Variants in SCUBE1 observed in about 807,000 individuals in gnomAD.
SCUBE1 encodes the protein signal peptide, CUB and EGF-like domain-containing protein 1.
SCUBE1 carries 59 observed loss-of-function variants against 124.4 expected under a neutral mutation model. The observed-to-expected ratio is 0.47, with a 90% confidence interval of 0.38 to 0.59. SCUBE1 has a LOEUF of 0.59. Among genes scored for constraint, SCUBE1 ranks in the 20% least tolerant of loss-of-function variants. SCUBE1 has a pLI of 0.00. For missense variants in SCUBE1, 1,150 were observed against 1,371.2 expected (o/e 0.84, Z 2.55); for synonymous variants, 545 against 550.9 (o/e 0.99, Z 0.15).
chr22:43,231,935 C>A, intron 7 of SCUBE1, 60 bp from the exon 8 acceptor site: 2 of 1,592,318 alleles, frequency 1.3e-6, no homozygotes, highest in East Asian at 2.3e-5. Flanking sequence ...GTGTGACCAG[C>A]GGGGGGACGG....
At chr22:43,276,363 T>C (rs760975934) in intron 4 of SCUBE1, among the ~76,000 whole-genome samples, 5 of 152,102 alleles carry the variant, frequency 3.3e-5, no homozygotes, top group Non-Finnish European at 7.4e-5. Flanking sequence ...GGGACGTACA[T>C]GCTGAAAGAG....
intron 2 of SCUBE1, among the ~76,000 whole-genome samples, chr22:43,324,847 T>C (rs1240699017): frequency 2.0e-5 from 3 of 151,004 alleles, no homozygotes; most frequent in Non-Finnish European, 4.4e-5. Flanking sequence ...GATTAAATTG[T>C]GTCCCCGCAA....
chr22:43,323,988 ACAAT>A (rs1196698665), intron 2 of SCUBE1, among the ~76,000 whole-genome samples: 2 of 152,248 alleles, frequency 1.3e-5, no homozygotes, highest in Non-Finnish European at 2.9e-5. Context: ...AGAAAGAAAC[ACAAT>A]CAGTTATGGA....
chr22:43,317,750 G>A (rs1229920679), intron 3 of SCUBE1, among the ~76,000 whole-genome samples: 2 of 152,222 alleles, frequency 1.3e-5, no homozygotes, highest in African/African-American at 2.4e-5. Flanking sequence ...GTTGAATTAT[G>A]TCCCTTCAAA....
rs1406059551 is a variant in SCUBE1, at chr22:43,255,599, A to C, written c.727+2620T>G. On this transcript the variant is annotated intron_variant, in intron 6 of 21. Transcript: ENST00000360835. The surrounding 1 kb of genome is among the most constrained non-coding windows in gnomAD (Gnocchi z 4.7). ...TTCTCTAAAACACAAGTAAGGGACAAACACGGAGCCAGTGGTTAATGACAG... is the reference window on the plus strand; with the variant it reads ...TTCTCTAAAACACAAGTAAGGGACACACACGGAGCCAGTGGTTAATGACAG... 1.3e-6 allele frequency: 2 copies of C among 1,544,026 alleles called. No individual in the cohort carries two copies. The highest frequency in any genetic ancestry group is 1.8e-6 in the Non-Finnish European group (2 of 1,141,328).
At chr22:43,298,774 T>G (rs1263992136) in intron 3 of SCUBE1, among the ~76,000 whole-genome samples, 1 of 151,052 alleles carries the variant, frequency 6.6e-6, no homozygotes, top group Non-Finnish European at 1.5e-5. Context: ...GTGAGTCGAC[T>G]GGGCTTGGTG....
At chr22:43,332,950 G>A (rs1926950248) in intron 2 of SCUBE1, among the ~76,000 whole-genome samples, 1 of 152,186 alleles carries the variant, frequency 6.6e-6, no homozygotes, top group Non-Finnish European at 1.5e-5. Flanking sequence ...CTGTCATCCA[G>A]CAAATGCCTT....
chr22:43,340,425 T>C (rs1275994087), intron 1 of SCUBE1, among the ~76,000 whole-genome samples: 1 of 151,382 alleles, frequency 6.6e-6, no homozygotes, highest in African/African-American at 2.4e-5. Flanking sequence ...TTGTGCAAAA[T>C]AGATTCTGTG....
intron 4 of SCUBE1, among the ~76,000 whole-genome samples, chr22:43,273,585 T>TTTTTTTTTTTA (rs3047359): frequency 7.0e-6 from 1 of 143,456 alleles, no homozygotes; most frequent in Non-Finnish European, 1.5e-5. Context: ...TTTTTTTTTT[T>TTTTTTTTTTTA]GAGACAGAGT....
chr22:43,214,175 G>A lies in SCUBE1; in HGVS notation c.1968C>T (p.Asp656=). The A allele has an allele frequency of 1.2e-6, 2 of 1,613,068 alleles. No individual in the cohort carries two copies. Among genetic ancestry groups the A allele is most frequent in the Non-Finnish European group, 1.7e-6 (2 of 1,179,930 alleles). Residue 656 remains aspartate (D), a synonymous_variant, in exon 16 of 22, where the codon GAC becomes GAT. Transcript: ENST00000360835. The part of the protein sequence containing the change: ...CVSCMPGTYQ[D]MEGQLSCTPC... ...GTGTGCAACTGAGCTGGCCTTCCAT[G>A]TCCTGGTATGTTCCTGGCATACATG...
Position 43,210,907 on chromosome 22 carries a change from A to G in SCUBE1, c.2383+15T>C, listed in dbSNP as rs770863494. On this transcript the variant is annotated intron_variant, in intron 18 of 21. Transcript: ENST00000360835. This position sits in a 1 kb window ranked among gnomAD's most constrained non-coding sequence, Gnocchi z 4.5. ...CCGTGTTCCCAGCTTCCCACGGCAG[A>G]GCAGCAGCACCCACTTTTGCAGTGT... 1.2e-6 allele frequency: 2 copies of G among 1,613,500 alleles called. No homozygotes were observed. Among genetic ancestry groups the G allele is most frequent in the Non-Finnish European group, 1.7e-6 (2 of 1,179,810 alleles).
chr22:43,208,290 C>T (rs1298627123), intron 19 of SCUBE1, 66 bp from the exon 20 acceptor site: 34 of 1,512,700 alleles, frequency 2.2e-5, no homozygotes, highest in African/African-American at 6.9e-5. Flanking sequence ...AGGCCACTCG[C>T]CTCCCATCCA....
chr22:43,248,274 G>A (rs1256446598), intron 6 of SCUBE1, among the ~76,000 whole-genome samples: 2 of 152,202 alleles, frequency 1.3e-5, no homozygotes, highest in Admixed American at 1.3e-4. Context: ...GCGAGGGGTA[G>A]GGCCACCCAA....
intron 3 of SCUBE1, among the ~76,000 whole-genome samples, chr22:43,312,311 G>A (rs57969111): frequency 0.041 from 6,316 of 152,290 alleles, 409 homozygotes; most frequent in African/African-American, 0.14. Flanking sequence ...ACTGTGTGGC[G>A]TGGGTCACAG....
At chr22:43,227,773 C>T (rs183525314) in intron 9 of SCUBE1, among the ~76,000 whole-genome samples, 70 of 152,294 alleles carry the variant, frequency 4.6e-4, no homozygotes, top group Middle Eastern at 3.4e-3. Context: ...AGGTAGCACA[C>T]GATTAAAGTT....
Position 43,312,074 on chromosome 22 carries a change from C to T in SCUBE1, c.349+7863G>A, listed in dbSNP as rs544434644. On this transcript the variant is annotated intron_variant, in intron 3 of 21. Transcript: ENST00000360835. ...GAGGGAGCAGGCATTGCCCGTGCTACCACTTTCTGGTGCAAAATCAGAGGC... is the reference window on the plus strand; with the variant it reads ...GAGGGAGCAGGCATTGCCCGTGCTATCACTTTCTGGTGCAAAATCAGAGGC... Among the ~76,000 whole-genome samples the T allele has an allele frequency of 7.2e-5, 11 of 152,268 alleles. No individual in the cohort carries two copies. The South Asian group carries it at 2.3e-3, about 32-fold the overall frequency.
chr22:43,291,128 A>G lies in SCUBE1; in HGVS notation c.402T>C (p.Asn134=). The G allele has an allele frequency of 6.2e-7, 1 of 1,613,796 alleles. No homozygotes were observed. Among genetic ancestry groups the G allele is most frequent in the East Asian group, 2.2e-5 (1 of 44,864 alleles). The change falls in exon 4 of 22, where the codon AAT becomes AAC. Residue 134 remains asparagine, a synonymous_variant. Transcript: ENST00000360835. ...ACTGACACTCGTAGCTGCCCATGGC[A>G]TTGACGCAGATCTGCTGGCAGCCAC... ...NNGGCQQICV[N]AMGSYECQCH...
At chr22:43,288,563 C>T (rs760524846) in intron 4 of SCUBE1, among the ~76,000 whole-genome samples, 5 of 152,254 alleles carry the variant, frequency 3.3e-5, no homozygotes, top group Non-Finnish European at 7.3e-5. Context: ...TGCCCATTCC[C>T]ACCCCAGGGC....
At chr22:43,311,672 C>A (rs993476998) in intron 3 of SCUBE1, among the ~76,000 whole-genome samples, 3 of 152,026 alleles carry the variant, frequency 2.0e-5, no homozygotes, top group African/African-American at 7.2e-5. Flanking sequence ...TGTGATCCAC[C>A]CGCCTCGGTC....
Sources: gnomAD v4.1 joint callset for allele counts (sites outside exome capture counted in the v4.1 genomes callset) on GRCh38, gnomAD v4.1.1 for gene constraint, Gnocchi (gnomAD v3.1) non-coding constraint, MANE v1.5 for transcripts, NCBI Gene and HGNC (gene_info 2026-07-23, HGNC 2026-07-21) for gene names.